The following SLC18A1 variants were observed in gnomAD, a reference collection of about 807,000 sequenced individuals.
The protein encoded by SLC18A1 is chromaffin granule amine transporter.
A neutral mutation model predicts 53.7 loss-of-function variants in SLC18A1; 69 were observed. The ratio of observed to expected loss-of-function variants is 1.28; its 90% CI spans 1.06 to 1.57. The LOEUF (loss-of-function observed/expected upper bound fraction) is 1.57. SLC18A1 is among the 40% of genes most tolerant of loss of function. The pLI is 0.00. For synonymous variants in SLC18A1, 320 were observed against 248.1 expected (o/e 1.29, Z -2.72); for missense variants, 932 against 668.1 (o/e 1.40, Z -4.35).
chr8:20,145,983 T>A (rs1215663511), intron 15 of SLC18A1, 107 bp from the exon 16 acceptor site: 15 of 533,520 alleles, frequency 2.8e-5, no homozygotes, highest in Non-Finnish European at 4.8e-5. Context: ...TGGCGCAATC[T>A]CGGCTCACTG....
chr8:20,178,151 C>CACACACACACACA (rs3043842), intron 4 of SLC18A1, among the ~76,000 whole-genome samples: 1 of 146,216 alleles, frequency 6.8e-6, no homozygotes, highest in African/African-American at 2.5e-5. Flanking sequence ...CACACACACA[C>CACACACACACACA]CCCGTAGCAT....
At chr8:20,172,057 T>A (rs992448783) in intron 6 of SLC18A1, among the ~76,000 whole-genome samples, 1 of 152,196 alleles carries the variant, frequency 6.6e-6, no homozygotes, top group Non-Finnish European at 1.5e-5. Flanking sequence ...TGGAGAAACA[T>A]CAGGTGAGAA....
At chr8:20,152,415 G>A (rs2071580817) in intron 10 of SLC18A1, among the ~76,000 whole-genome samples, 1 of 152,214 alleles carries the variant, frequency 6.6e-6, no homozygotes, top group Non-Finnish European at 1.5e-5. Flanking sequence ...TGGTGCCTCA[G>A]ATTAGAAGTC....
intron 8 of SLC18A1, among the ~76,000 whole-genome samples, chr8:20,167,454 T>G (rs1390120605): frequency 6.6e-6 from 1 of 151,884 alleles, no homozygotes; most frequent in Non-Finnish European, 1.5e-5. Flanking sequence ...GAAGAATACA[T>G]GTATGGAATG....
chr8:20,166,172 A>G (rs910863083), intron 8 of SLC18A1, among the ~76,000 whole-genome samples: 4 of 151,610 alleles, frequency 2.6e-5, no homozygotes, highest in African/African-American at 7.3e-5. Context: ...CATGCAAATT[A>G]CAGCACTATT....
Position 20,164,935 on chromosome 8 carries a change from C to G in SLC18A1, c.949G>C (p.Ala317Pro). The G allele has an allele frequency of 6.2e-7, 1 of 1,613,846 alleles. No homozygotes were observed. The highest frequency in any genetic ancestry group is 2.2e-5 in the East Asian group (1 of 44,862). The change falls in exon 10 of 16, where the codon GCC (alanine) becomes CCC (proline). Residue 317 changes from alanine (A) to proline (P), a missense_variant. Coordinates refer to ENST00000276373, the MANE Select transcript of SLC18A1 (RefSeq NM_003053.4). The part of the protein sequence containing the change: ...GSICFANMGV[A>P]ILEPTLPIWM... ...ATGGGCAGTGTGGGCTCCAGGATGG[C>G]CACCCCCATGTTGGCAAAGCAGATG...
At chr8:20,154,993 C>G (rs1408922985) in intron 10 of SLC18A1, among the ~76,000 whole-genome samples, 1 of 152,128 alleles carries the variant, frequency 6.6e-6, no homozygotes, top group Non-Finnish European at 1.5e-5. Context: ...CCTAAGTGCC[C>G]AGGTTCATCC....
chr8:20,171,911 G>C (rs1390441454), intron 6 of SLC18A1, among the ~76,000 whole-genome samples: 1 of 152,242 alleles, frequency 6.6e-6, no homozygotes, highest in Non-Finnish European at 1.5e-5. Flanking sequence ...TGTCAGAAAA[G>C]AGTGTGTAGT....
intron 6 of SLC18A1, among the ~76,000 whole-genome samples, chr8:20,172,055 C>G (rs555698680): frequency 5.9e-5 from 9 of 152,190 alleles, no homozygotes; most frequent in Admixed American, 5.9e-4. Flanking sequence ...TATGGAGAAA[C>G]ATCAGGTGAG....
intron 10 of SLC18A1, among the ~76,000 whole-genome samples, chr8:20,155,048 G>A (rs2071648790): frequency 6.6e-6 from 1 of 152,118 alleles, no homozygotes; most frequent in African/African-American, 2.4e-5. Flanking sequence ...GTTCTCTTCT[G>A]TGACCCACGG....
At chr8:20,168,532 A>C (rs144926126) in intron 8 of SLC18A1, among the ~76,000 whole-genome samples, 2 of 152,266 alleles carry the variant, frequency 1.3e-5, no homozygotes, top group East Asian at 3.9e-4. Context: ...ATTTATAAAT[A>C]TATACATATA....
Position 20,145,469 on chromosome 8 carries a change from C to T in SLC18A1, c.*294G>A, listed in dbSNP as rs1041824683. The T allele has an allele frequency of 4.1e-6, 1 of 246,436 alleles. No individual in the cohort carries two copies. Among genetic ancestry groups the T allele is most frequent in the African/African-American group, 2.2e-5 (1 of 44,552 alleles). The allele number at this position is 246,436 out of a possible 1,614,324, so 15.3% of individuals were successfully genotyped here. On this transcript the variant is annotated 3_prime_UTR_variant, in exon 16 of 16. Transcript: ENST00000276373. Reference sequence around the variant, plus strand: ...CTACCACCTCTATGCAATGAGTCACCCCTTGCAGAACCCGTCACAGCTCAA... The same window carrying T: ...CTACCACCTCTATGCAATGAGTCACTCCTTGCAGAACCCGTCACAGCTCAA...
chr8:20,147,172 A>T (rs563688835), intron 15 of SLC18A1, 86 bp downstream of exon 15: 2 of 1,440,162 alleles, frequency 1.4e-6, no homozygotes, highest in African/African-American at 1.4e-5. Context: ...AGAGGGAGGA[A>T]ATAACAGCCC....
chr8:20,160,021 A>T (rs1044762473), intron 10 of SLC18A1, among the ~76,000 whole-genome samples: 1 of 152,116 alleles, frequency 6.6e-6, no homozygotes, highest in African/African-American at 2.4e-5. Flanking sequence ...AGAAAAAAAC[A>T]GTGCAGGCTA....
At chr8:20,150,896 A>G in intron 10 of SLC18A1, 152 bp from the exon 11 acceptor site, 1 of 662,758 alleles carries the variant, frequency 1.5e-6, no homozygotes, top group African/African-American at 1.8e-5. Flanking sequence ...GCAAACCCAC[A>G]GTAGTTGCCA....
At chr8:20,153,790 G>C (rs985610964) in intron 10 of SLC18A1, among the ~76,000 whole-genome samples, 1 of 152,190 alleles carries the variant, frequency 6.6e-6, no homozygotes, top group Non-Finnish European at 1.5e-5. Context: ...CACCTGAGAA[G>C]GGAATATGTA....
chr8:20,174,141 A>G (rs536054548), intron 5 of SLC18A1, among the ~76,000 whole-genome samples: 1 of 152,232 alleles, frequency 6.6e-6, no homozygotes, highest in East Asian at 1.9e-4. Context: ...TCAGACTCCT[A>G]GAATCAAGCT....
intron 10 of SLC18A1, among the ~76,000 whole-genome samples, chr8:20,161,389 A>G (rs2128872890): frequency 6.6e-6 from 1 of 152,336 alleles, no homozygotes; most frequent in East Asian, 1.9e-4. Flanking sequence ...TAAAAATAAT[A>G]CAAAAAAGAA....
At chr8:20,162,097 A>C (rs115082453) in intron 10 of SLC18A1, among the ~76,000 whole-genome samples, 3,494 of 152,300 alleles carry the variant, frequency 0.023, 150 homozygotes, top group African/African-American at 0.081. Flanking sequence ...ATCTGGGCCC[A>C]CTTGAGCCAT....
Sources: gnomAD v4.1 joint callset for allele counts (sites outside exome capture counted in the v4.1 genomes callset) on GRCh38, gnomAD v4.1.1 for gene constraint, MANE v1.5 for transcripts, NCBI Gene and HGNC (gene_info 2026-07-23, HGNC 2026-07-21) for gene names.